The following RALGPS1 variants were observed in gnomAD, a reference collection of about 807,000 sequenced individuals.
The protein encoded by RALGPS1 is ras-specific guanine nucleotide-releasing factor RalGPS1.
In RALGPS1, 19 loss-of-function variants were observed where a neutral mutation model predicts 78.8. That is an observed-to-expected ratio of 0.24 (90% CI 0.17 to 0.35). The LOEUF (loss-of-function observed/expected upper bound fraction) is 0.35, where lower values mean the gene tolerates loss of function less well. Among genes scored for constraint, RALGPS1 ranks in the 10% least tolerant of loss-of-function variants. The pLI is 1.00. For missense variants in RALGPS1, 454 were observed against 688.3 expected, an observed-to-expected ratio of 0.66 and a Z score of 3.81; for synonymous variants, 228 against 256.3, an observed-to-expected ratio of 0.89 and a Z score of 1.06.
intron 8 of RALGPS1, among the ~76,000 whole-genome samples, chr9:127,121,705 C>T (rs1185336229): frequency 2.0e-5 from 3 of 152,238 alleles, no homozygotes; most frequent in Non-Finnish European, 4.4e-5. Flanking sequence ...CAGTTGGAGA[C>T]CCGGGGTACC....
At chr9:126,947,373 T>C (rs999803465) in intron 1 of RALGPS1, among the ~76,000 whole-genome samples, 36 of 152,204 alleles carry the variant, frequency 2.4e-4, no homozygotes, top group African/African-American at 8.7e-4. Context: ...TCTGAGACTC[T>C]TTGAGTGCTG....
intron 8 of RALGPS1, among the ~76,000 whole-genome samples, chr9:127,119,137 T>G (rs2055776562): frequency 6.6e-6 from 1 of 152,182 alleles, no homozygotes; most frequent in South Asian, 2.1e-4. Context: ...GTGGAACAAG[T>G]CAGCCAACCT....
At chr9:126,982,972 T>C (rs1189861742) in intron 4 of RALGPS1, among the ~76,000 whole-genome samples, 1 of 139,790 alleles carries the variant, frequency 7.2e-6, no homozygotes, top group Non-Finnish European at 1.5e-5. Context: ...GTTTCGCTCT[T>C]GTTGCCCAGG....
chr9:127,202,054 G>A lies in RALGPS1; in HGVS notation c.1247+2988G>A, dbSNP rs564997589. Among the ~76,000 whole-genome samples the A allele has an allele frequency of 6.6e-5, 10 of 152,270 alleles. No homozygotes were observed. In the East Asian group the frequency reaches 1.5e-3, roughly 24 times the overall value. On this transcript the variant is annotated intron_variant, in intron 14 of 18. Transcript: ENST00000259351. ...GCATTTCGCCCCACAGCTCTGAAGC[G>A]CAGGGGCCACACTCTTCTATTGAAG...
Position 127,134,011 on chromosome 9 carries a change from C to A in RALGPS1, c.611-32058C>A, listed in dbSNP as rs187476249. Among the ~76,000 whole-genome samples, 220 of 150,468 alleles carry A rather than the reference C, an allele frequency of 1.5e-3. 1 individual carries two copies. Among genetic ancestry groups the A allele is most frequent in the African/African-American group, 4.3e-3 (179 of 41,292 alleles). On this transcript the variant is annotated intron_variant, in intron 8 of 18. Transcript: ENST00000259351. ...GTAAATGCTCTTGTCCTCGCTCCCC[C>A]CCCCGTGAATGCTGTGATTCAGCAC... is the stretch of plus-strand genomic sequence containing the variant.
chr9:126,967,291 C>T (rs2039604112), intron 3 of RALGPS1, among the ~76,000 whole-genome samples: 1 of 152,128 alleles, frequency 6.6e-6, no homozygotes, highest in Non-Finnish European at 1.5e-5. Flanking sequence ...TCTGGCTAAG[C>T]CTCCTCTTCT....
intron 1 of RALGPS1, among the ~76,000 whole-genome samples, chr9:126,955,529 A>G (rs1841645476): frequency 6.6e-6 from 1 of 152,244 alleles, no homozygotes; most frequent in South Asian, 2.1e-4. Context: ...TAGACTCCCC[A>G]ATAGTTCTTG....
At chr9:126,998,005 A>T (rs1256790577) in intron 4 of RALGPS1, among the ~76,000 whole-genome samples, 2 of 152,266 alleles carry the variant, frequency 1.3e-5, no homozygotes, top group Admixed American at 6.5e-5. Flanking sequence ...CTTACATGTT[A>T]TACAAAAATT....
intron 4 of RALGPS1, among the ~76,000 whole-genome samples, chr9:127,012,965 A>G (rs961236996): frequency 2.6e-5 from 4 of 152,206 alleles, no homozygotes; most frequent in Non-Finnish European, 5.9e-5. Flanking sequence ...CTAAATAATT[A>G]CAAGGGTCTC....
chr9:127,017,134 G>A (rs2044915724), intron 4 of RALGPS1, among the ~76,000 whole-genome samples: 1 of 152,172 alleles, frequency 6.6e-6, no homozygotes, highest in Admixed American at 6.5e-5. Context: ...ACAGTCATAT[G>A]TCACTTAAAG....
chr9:127,203,455 G>A (rs1254239354), intron 14 of RALGPS1, among the ~76,000 whole-genome samples: 1 of 152,206 alleles, frequency 6.6e-6, no homozygotes, highest in Non-Finnish European at 1.5e-5. Flanking sequence ...ACCTGTCTCT[G>A]TGGAAGGGCC....
At chr9:127,023,025 A>G (rs553692127) in intron 4 of RALGPS1, among the ~76,000 whole-genome samples, 3 of 152,284 alleles carry the variant, frequency 2.0e-5, no homozygotes, top group Non-Finnish European at 2.9e-5. Flanking sequence ...TAAACTGCCA[A>G]TCACTGTTGT....
At chr9:127,191,890 G>C (rs1306937342) in intron 11 of RALGPS1, among the ~76,000 whole-genome samples, 1 of 151,718 alleles carries the variant, frequency 6.6e-6, no homozygotes, top group Non-Finnish European at 1.5e-5. Flanking sequence ...GTAGAGACGG[G>C]GTTTCACCGT....
At chr9:127,152,740 G>C (rs1010128470) in intron 8 of RALGPS1, among the ~76,000 whole-genome samples, 1 of 152,190 alleles carries the variant, frequency 6.6e-6, no homozygotes, top group Admixed American at 6.5e-5. Context: ...GTAAGTCAGG[G>C]AAAGCTCTGT....
At chr9:126,940,712 T>G (rs2036700950) in intron 1 of RALGPS1, among the ~76,000 whole-genome samples, 1 of 152,184 alleles carries the variant, frequency 6.6e-6, no homozygotes. Context: ...TATGCTGTTG[T>G]GTACAAAAGT....
At chr9:127,067,303 C>G (rs1039315088) in intron 7 of RALGPS1, among the ~76,000 whole-genome samples, 2 of 152,210 alleles carry the variant, frequency 1.3e-5, no homozygotes. Flanking sequence ...GAAAAGTTCA[C>G]TTTTATTCTT....
At chr9:127,038,154 CTGAA>C (rs1168807984) in intron 5 of RALGPS1, among the ~76,000 whole-genome samples, 1 of 152,240 alleles carries the variant, frequency 6.6e-6, no homozygotes, top group Non-Finnish European at 1.5e-5. Flanking sequence ...AGCCTAGTGA[CTGAA>C]TGTTTCTGCT....
chr9:127,009,795 G>A (rs1476433206), intron 4 of RALGPS1, among the ~76,000 whole-genome samples: 2 of 152,266 alleles, frequency 1.3e-5, no homozygotes, highest in East Asian at 1.9e-4. Context: ...GTGAGATAGA[G>A]TACTGTCTTA....
rs149621875 is a variant in RALGPS1 at position 127,114,638 on chromosome 9, G to A, written c.610+45282G>A. Among the ~76,000 whole-genome samples the A allele has an allele frequency of 8.5e-5, 13 of 152,276 alleles. No homozygotes were observed. In the East Asian group the frequency reaches 9.6e-4, roughly 11 times the overall value. On this transcript the variant is annotated intron_variant, in intron 8 of 18. Transcript: ENST00000259351. ...TTACAGAACCACCCCCTCACCACCC[G>A]TCCTCTGGTCAGCACTGCCCATTGG...
Sources: gnomAD v4.1 joint callset for allele counts (sites outside exome capture counted in the v4.1 genomes callset) on GRCh38, gnomAD v4.1.1 for gene constraint, MANE v1.5 for transcripts, NCBI Gene and HGNC (gene_info 2026-07-23, HGNC 2026-07-21) for gene names.